Variants in DCLK1 observed in about 807,000 individuals in gnomAD.
The protein encoded by DCLK1 is doublecortin like kinase 1.
Under a neutral mutation model 86.2 loss-of-function variants are expected in DCLK1, and 16 were observed. That is an observed-to-expected ratio of 0.19 (90% confidence interval 0.13 to 0.28). The LOEUF is 0.28. Among genes scored for constraint, DCLK1 ranks in the 10% least tolerant of loss-of-function variants. DCLK1 has a pLI of 1.00. For missense variants in DCLK1, 590 were observed against 940.2 expected (o/e 0.63, Z 4.87); for synonymous variants, 369 against 370.5 (o/e 1.00, Z 0.05).
At chr13:36,089,676 T>C (rs1429244490) in intron 3 of DCLK1, among the ~76,000 whole-genome samples, 1 of 152,202 alleles carries the variant, frequency 6.6e-6, no homozygotes, top group Admixed American at 6.5e-5. Flanking sequence ...TTCTCCAACT[T>C]CCTTTTATGT....
intron 4 of DCLK1, among the ~76,000 whole-genome samples, chr13:35,926,656 A>T (rs920772662): frequency 2.0e-5 from 3 of 152,242 alleles, no homozygotes; most frequent in African/African-American, 7.2e-5. Context: ...GTTTCTTAGA[A>T]CTGAAAAATA....
intron 3 of DCLK1, among the ~76,000 whole-genome samples, chr13:35,999,646 T>C (rs1247997953): frequency 1.3e-5 from 2 of 152,180 alleles, no homozygotes; most frequent in Non-Finnish European, 2.9e-5. Context: ...CTAATTTTGT[T>C]TTCTTGACAC....
At chr13:35,895,549 T>A (rs1873910446) in intron 4 of DCLK1, among the ~76,000 whole-genome samples, 1 of 152,210 alleles carries the variant, frequency 6.6e-6, no homozygotes, top group African/African-American at 2.4e-5. Flanking sequence ...CTTCTTGGAC[T>A]GAGTAAATTG....
At chr13:36,021,323 G>C (rs1294268084) in intron 3 of DCLK1, among the ~76,000 whole-genome samples, 1 of 150,924 alleles carries the variant, frequency 6.6e-6, no homozygotes, top group Admixed American at 6.6e-5. Context: ...AAAAAAAGTA[G>C]TAATGGAGTA....
intron 3 of DCLK1, among the ~76,000 whole-genome samples, chr13:36,079,557 G>A (rs1445876923): frequency 2.6e-5 from 4 of 152,010 alleles, no homozygotes; most frequent in Non-Finnish European, 4.4e-5. Flanking sequence ...GCTTAAACCC[G>A]GGAGACGGAG....
chr13:35,986,379 C>G (rs1879914129), intron 3 of DCLK1, among the ~76,000 whole-genome samples: 1 of 149,308 alleles, frequency 6.7e-6, no homozygotes, highest in South Asian at 2.1e-4. Context: ...AGGGGAGAAC[C>G]AGGAGGTTGA....
At chr13:35,790,747 C>T (rs1484532723) in intron 16 of DCLK1, among the ~76,000 whole-genome samples, 1 of 152,028 alleles carries the variant, frequency 6.6e-6, no homozygotes, top group Non-Finnish European at 1.5e-5. Context: ...ATAGAATATA[C>T]CATTTATAAA....
At position 36,056,850 on chromosome 13, in the gene DCLK1, C is replaced by T. The variant is rs9602008; in HGVS notation, c.723+55019G>A. 2.6e-3 allele frequency among the ~76,000 whole-genome samples: 367 copies of T among 140,410 alleles called. 1 individual carries two copies. Among genetic ancestry groups the T allele is most frequent in the African/African-American group, 9.0e-3 (343 of 37,966 alleles). 92.1% of individuals were successfully genotyped at this position (140,410 alleles called of 152,430 possible). ...GGCAGAGCTTGCAGTGAGCCGAGAT[C>T]GTGCCACTGCACTCCAGCCTGGGCG... On this transcript the variant is annotated intron_variant, in intron 3 of 16. Coordinates refer to ENST00000360631, the MANE Select transcript of DCLK1 (RefSeq NM_001330071.2).
chr13:35,851,944 G>A (rs1870673877), intron 6 of DCLK1, among the ~76,000 whole-genome samples: 1 of 151,838 alleles, frequency 6.6e-6, no homozygotes, highest in South Asian at 2.1e-4. Flanking sequence ...AACAGCTCAT[G>A]TTCCTGTATT....
chr13:35,871,935 C>T (rs993032331), intron 4 of DCLK1, among the ~76,000 whole-genome samples: 2 of 152,242 alleles, frequency 1.3e-5, no homozygotes, highest in African/African-American at 4.8e-5. Context: ...CCACATGAAG[C>T]TGCCACAGAT....
chr13:36,111,709 C>G (rs1267114629), intron 3 of DCLK1, among the ~76,000 whole-genome samples, 160 bp downstream of exon 3: 4 of 152,188 alleles, frequency 2.6e-5, no homozygotes, highest in Non-Finnish European at 5.9e-5. Context: ...CTGCTCAACT[C>G]AAACTTCTGA....
At chr13:36,036,861 C>G (rs1157816063) in intron 3 of DCLK1, among the ~76,000 whole-genome samples, 1 of 152,028 alleles carries the variant, frequency 6.6e-6, no homozygotes, top group African/African-American at 2.4e-5. Context: ...ATGATATGAT[C>G]CAGCAATTCC....
Position 35,864,394 on chromosome 13 carries a change from T to A in DCLK1, c.940+6830A>T, listed in dbSNP as rs1338482589. ...TCCCGGCTAAAACGGTGAAACCCCG[T>A]CTCTACTAAAAATACAAAAAATTAG... On this transcript the variant is annotated intron_variant, in intron 5 of 16. Coordinates refer to ENST00000360631, the MANE Select transcript of DCLK1 (RefSeq NM_001330071.2). Among the ~76,000 whole-genome samples, 4 of 114,080 alleles carry A rather than the reference T, an allele frequency of 3.5e-5. 1 individual carries two copies. Among genetic ancestry groups the A allele is most frequent in the African/African-American group, 1.5e-4 (4 of 27,232 alleles). The allele number at this position is 114,080 out of a possible 152,430, so 74.8% of individuals were successfully genotyped here. A position where few individuals can be genotyped will look rare whatever the true frequency, so the allele number is the denominator to read the frequency against.
chr13:35,924,478 T>C lies in DCLK1; in HGVS notation c.823+22880A>G, dbSNP rs529307521. Among the ~76,000 whole-genome samples, 5 of 152,124 alleles carry C rather than the reference T, an allele frequency of 3.3e-5. No homozygotes were observed. The South Asian group carries it at 1.0e-3, about 32-fold the overall frequency. On this transcript the variant is annotated intron_variant, in intron 4 of 16. Transcript: ENST00000360631. ...CAGTCTGTCCAACATGGTGAAACCC[T>C]GTCTCTACTAAAAATACAAAACAAT...
intron 4 of DCLK1, among the ~76,000 whole-genome samples, chr13:35,921,156 T>C (rs1166491033): frequency 1.3e-5 from 2 of 152,186 alleles, no homozygotes; most frequent in Non-Finnish European, 2.9e-5. Flanking sequence ...GACCACATCC[T>C]ATTATTCCCA....
chr13:36,050,309 TA>T (rs1361058273), intron 3 of DCLK1, among the ~76,000 whole-genome samples: 1 of 152,174 alleles, frequency 6.6e-6, no homozygotes, highest in African/African-American at 2.4e-5. Context: ...ACTAAAAAGT[TA>T]ATTGAAGAAA....
At chr13:36,067,516 A>G (rs1329648898) in intron 3 of DCLK1, among the ~76,000 whole-genome samples, 1 of 150,844 alleles carries the variant, frequency 6.6e-6, no homozygotes, top group Non-Finnish European at 1.5e-5. Flanking sequence ...TATGTAACTA[A>G]CCTGCACATT....
At chr13:36,051,609 G>A (rs930598275) in intron 3 of DCLK1, among the ~76,000 whole-genome samples, 12 of 151,974 alleles carry the variant, frequency 7.9e-5, no homozygotes, top group African/African-American at 2.2e-4. Context: ...AAATTCACTC[G>A]TCTTTTCATT....
chr13:35,995,630 A>C (rs1880434672), intron 3 of DCLK1, among the ~76,000 whole-genome samples: 1 of 152,226 alleles, frequency 6.6e-6, no homozygotes, highest in African/African-American at 2.4e-5. Context: ...TGGAAATTTC[A>C]CCTCTTCCCA....
Sources: gnomAD v4.1 joint callset for allele counts (sites outside exome capture counted in the v4.1 genomes callset) on GRCh38, gnomAD v4.1.1 for gene constraint, MANE v1.5 for transcripts, NCBI Gene and HGNC (gene_info 2026-07-23, HGNC 2026-07-21) for gene names.